Variants in WWOX observed in about 807,000 individuals in gnomAD.
WWOX encodes the protein WW domain-containing oxidoreductase.
A neutral mutation model predicts 46.2 loss-of-function variants in WWOX; 69 were observed. The observed-to-expected ratio is 1.49, with a 90% CI of 1.23 to 1.82. The LOEUF (loss-of-function observed/expected upper bound fraction) is 1.82. WWOX is among the 40% of genes most tolerant of loss of function. WWOX has a pLI of 0.00. For missense variants in WWOX, 919 were observed against 542.6 expected, an observed-to-expected ratio of 1.69 and a Z score of -6.89; for synonymous variants, 359 against 202.6, an observed-to-expected ratio of 1.77 and a Z score of -6.56.
intron 8 of WWOX, among the ~76,000 whole-genome samples, chr16:78,715,625 A>G (rs2048543317): frequency 6.6e-6 from 1 of 152,060 alleles, no homozygotes; most frequent in Admixed American, 6.6e-5. Context: ...GATTACAGGC[A>G]CATGCCACCA....
intron 8 of WWOX, among the ~76,000 whole-genome samples, chr16:78,786,217 A>G (rs1417321652): frequency 1.3e-5 from 2 of 152,226 alleles, no homozygotes; most frequent in South Asian, 2.1e-4. Flanking sequence ...GCCTGAATTA[A>G]TATTTTCTAC....
chr16:78,226,143 C>T (rs570341701), intron 5 of WWOX, among the ~76,000 whole-genome samples: 13 of 152,198 alleles, frequency 8.5e-5, no homozygotes, highest in African/African-American at 2.4e-4. Context: ...TGGAATGAAC[C>T]GCTAGAGATG....
chr16:79,123,515 T>A (rs2049684028), intron 8 of WWOX, among the ~76,000 whole-genome samples: 1 of 152,104 alleles, frequency 6.6e-6, no homozygotes, highest in South Asian at 2.1e-4. Flanking sequence ...TTCATCCTCA[T>A]AACAGTTCTG....
rs114250776 is a variant in WWOX at position 78,754,172 on chromosome 16, C to T, written c.1056+321420C>T. Among the ~76,000 whole-genome samples, 497 of 152,056 alleles carry T rather than the reference C, an allele frequency of 3.3e-3. 6 individuals carry two copies. The highest frequency in any genetic ancestry group is 0.011 in the African/African-American group (470 of 41,468). On this transcript the variant is annotated intron_variant, in intron 8 of 8. Transcript: ENST00000566780. ...CAGCTCTTTCTCTAGAGAACTTGGT[C>T]CCTGGGGATGCCATCTTCTCTGTCT...
rs112377787 is a variant in WWOX, at chr16:79,179,659, T to C, written c.1057-31949T>C. The stretch of plus-strand genomic sequence containing the variant: ...TTCCCTTCCATTGTATTTGAGCCAC[T>C]GGAAATCTATTACCTGATCTTTCTT... On this transcript the variant is annotated intron_variant, in intron 8 of 8. Transcript: ENST00000566780. 1.9e-3 allele frequency among the ~76,000 whole-genome samples: 295 copies of C among 152,340 alleles called. 1 individual carries two copies. The highest frequency in any genetic ancestry group is 3.2e-3 in the Non-Finnish European group (217 of 68,032).
chr16:78,525,076 A>T (rs2043431556), intron 8 of WWOX: 1 of 151,506 alleles, frequency 6.6e-6, no homozygotes. Context: ...ATGTTGCCCA[A>T]ACTGGCCTCA....
At chr16:78,576,712 GT>G (rs1246406251) in intron 8 of WWOX, among the ~76,000 whole-genome samples, 1 of 152,124 alleles carries the variant, frequency 6.6e-6, no homozygotes, top group Admixed American at 6.5e-5. Context: ...CATAGGTGTA[GT>G]CCCAGCTACT....
intron 8 of WWOX, among the ~76,000 whole-genome samples, chr16:78,961,931 A>G (rs1467591341): frequency 6.6e-6 from 1 of 152,126 alleles, no homozygotes; most frequent in African/African-American, 2.4e-5. Flanking sequence ...ATCAAGCACA[A>G]TTTGGCAGGT....
At chr16:78,957,108 G>A (rs988630490) in intron 8 of WWOX, among the ~76,000 whole-genome samples, 9 of 151,990 alleles carry the variant, frequency 5.9e-5, no homozygotes, top group Admixed American at 5.2e-4. Flanking sequence ...GATAGTAAAC[G>A]CTCCCACTTT....
chr16:79,093,588 A>C (rs1158697115), intron 8 of WWOX, among the ~76,000 whole-genome samples: 3 of 152,160 alleles, frequency 2.0e-5, no homozygotes, highest in African/African-American at 2.4e-5. Flanking sequence ...TCACCTTCCC[A>C]GCAGGCCTCC....
chr16:78,459,836 C>T (rs2083908328), intron 8 of WWOX, among the ~76,000 whole-genome samples: 1 of 148,312 alleles, frequency 6.7e-6, no homozygotes, highest in South Asian at 2.1e-4. Context: ...GGGTCTTAGT[C>T]TGTCACCCAG....
At chr16:78,616,712 G>C (rs530892298) in intron 8 of WWOX, among the ~76,000 whole-genome samples, 1 of 152,178 alleles carries the variant, frequency 6.6e-6, no homozygotes, top group Admixed American at 6.5e-5. Flanking sequence ...GTTGCAGTGA[G>C]CTGAGATGGT....
chr16:78,626,528 C>T (rs532570663), intron 8 of WWOX, among the ~76,000 whole-genome samples: 5 of 152,240 alleles, frequency 3.3e-5, no homozygotes, highest in South Asian at 2.1e-4. Context: ...TTCATCACAT[C>T]GTATCAAGCA....
Position 78,870,948 on chromosome 16 carries a change from G to C in WWOX, c.1057-340660G>C, listed in dbSNP as rs1022594759. 3.9e-5 allele frequency among the ~76,000 whole-genome samples: 6 copies of C among 152,220 alleles called. No homozygotes were observed. In the Middle Eastern group the frequency reaches 0.014, roughly 345 times the overall value. On this transcript the variant is annotated intron_variant, in intron 8 of 8. Coordinates refer to ENST00000566780, the MANE Select transcript of WWOX (RefSeq NM_016373.4). ...ATCTGAAACTGTCTGCCTGATTCTG[G>C]TTTACCACAACCACCAGAGTCTTAA...
At chr16:78,238,370 G>C (rs1203775542) in intron 5 of WWOX, among the ~76,000 whole-genome samples, 2 of 152,038 alleles carry the variant, frequency 1.3e-5, no homozygotes, top group African/African-American at 4.8e-5. Flanking sequence ...TGTGTTCACA[G>C]CTCAGAGAAG....
At chr16:78,110,895 T>C (rs1460028388) in intron 3 of WWOX, among the ~76,000 whole-genome samples, 1 of 152,172 alleles carries the variant, frequency 6.6e-6, no homozygotes, top group African/African-American at 2.4e-5. Context: ...TTGACCACCG[T>C]AGTTAAGAGG....
chr16:78,386,441 T>TG (rs2082061690), intron 5 of WWOX, among the ~76,000 whole-genome samples: 1 of 152,224 alleles, frequency 6.6e-6, no homozygotes, highest in African/African-American at 2.4e-5. Flanking sequence ...TTAATGGAGA[T>TG]ATTTCAGAAC....
At chr16:78,410,353 C>G (rs77095293) in intron 6 of WWOX, among the ~76,000 whole-genome samples, 4,035 of 152,300 alleles carry the variant, frequency 0.026, 163 homozygotes, top group African/African-American at 0.093. Flanking sequence ...TGCAGCATGT[C>G]TTTTACCATG....
intron 8 of WWOX, among the ~76,000 whole-genome samples, chr16:78,914,386 A>C (rs12924864): frequency 0.011 from 1,619 of 152,182 alleles, 26 homozygotes; most frequent in Non-Finnish European, 0.018. Context: ...AAATATTTGC[A>C]GGTGAGTGAA....
Sources: gnomAD v4.1 joint callset for allele counts (sites outside exome capture counted in the v4.1 genomes callset) on GRCh38, gnomAD v4.1.1 for gene constraint, MANE v1.5 for transcripts, NCBI Gene and HGNC (gene_info 2026-07-23, HGNC 2026-07-21) for gene names.